The following GPRIN3 variants were observed in gnomAD, a reference collection of about 807,000 sequenced individuals.
GPRIN3 encodes the protein GPRIN family member 3.
A neutral mutation model predicts 13.7 loss-of-function variants in GPRIN3; 12 were observed. The observed-to-expected ratio is 0.87, with a 90% CI of 0.56 to 1.42. The LOEUF is 1.42. Among genes scored for constraint, GPRIN3 ranks in the 40% most tolerant of loss-of-function variants. The pLI is 0.00. For synonymous variants in GPRIN3, 377 were observed against 372.7 expected, an observed-to-expected ratio of 1.01 and a Z score of -0.13; for missense variants, 1,009 against 958.7, an observed-to-expected ratio of 1.05 and a Z score of -0.69.
chr4:89,290,420 T>C (rs924786342), intron 1 of GPRIN3, among the ~76,000 whole-genome samples: 2 of 152,148 alleles, frequency 1.3e-5, no homozygotes, highest in Non-Finnish European at 2.9e-5. Flanking sequence ...GGAGCAATAG[T>C]GTATCAGGGA....
In GPRIN3 at chr4:89,249,439, C is replaced by T; in HGVS notation, c.672G>A (p.Gln224=). The change falls in exon 2 of 2, where the codon CAG becomes CAA. Residue 224 remains glutamine, a synonymous_variant. Coordinates refer to ENST00000609438, the MANE Select transcript of GPRIN3 (RefSeq NM_198281.3). ...SPVGGPEGER[Q]GAICDSEMRS... is the part of the protein sequence containing the mutation. ...TCATTTCAGAGTCACAGATGGCTCCCTGCCTTTCCCCTTCAGGTCCACCTA... is the reference window on the plus strand; with the variant it reads ...TCATTTCAGAGTCACAGATGGCTCCTTGCCTTTCCCCTTCAGGTCCACCTA... 6.2e-7 allele frequency: 1 copy of T among 1,614,082 alleles called. No homozygotes were observed.
chr4:89,281,389 T>C (rs1724247174), intron 1 of GPRIN3, among the ~76,000 whole-genome samples: 1 of 152,184 alleles, frequency 6.6e-6, no homozygotes, highest in Non-Finnish European at 1.5e-5. Flanking sequence ...CCCAAAGTGC[T>C]GGGATTACAG....
At position 89,249,423 on chromosome 4, in the gene GPRIN3, A is replaced by G. The variant is rs1172394820; in HGVS notation, c.688T>C (p.Ser230Pro). 3.1e-6 allele frequency: 5 copies of G among 1,613,952 alleles called. No homozygotes were observed. The highest frequency in any genetic ancestry group is 4.2e-6 in the Non-Finnish European group (5 of 1,180,000). Reference sequence around the variant, plus strand: ...AGAGGTTTACAGGACCTCATTTCAGAGTCACAGATGGCTCCCTGCCTTTCC... The same window carrying G: ...AGAGGTTTACAGGACCTCATTTCAGGGTCACAGATGGCTCCCTGCCTTTCC... ...EGERQGAICD[S>P]EMRSCKPLTR... The change falls in exon 2 of 2, where the codon TCT becomes CCT. Residue 230 changes from serine to proline, a missense_variant. By Grantham distance (74) the Ser-to-Pro change is moderately conservative. Coordinates refer to ENST00000609438, the MANE Select transcript of GPRIN3 (RefSeq NM_198281.3).
chr4:89,246,863 T>G lies in GPRIN3; in HGVS notation c.*917A>C, dbSNP rs962545002. 2.6e-5 allele frequency: 4 copies of G among 152,234 alleles called. No homozygotes were observed. The highest frequency in any genetic ancestry group is 9.6e-5 in the African/African-American group (4 of 41,464). 9.4% of individuals were successfully genotyped at this position (152,234 alleles called of 1,614,324 possible). ...TTGGTAATCTGCTATTTATAGTTCC[T>G]GACCAGAACCTTAGCATTCTCAGTA... On this transcript the variant is annotated 3_prime_UTR_variant, in exon 2 of 2. Transcript: ENST00000609438.
rs777246020 is a variant in GPRIN3 at position 89,248,314 on chromosome 4, GGTCT to G, written c.1793_1796del (p.Gln598ProfsTer7). On this transcript the variant is annotated frameshift_variant, in exon 2 of 2. Coordinates refer to ENST00000609438, the MANE Select transcript of GPRIN3 (RefSeq NM_198281.3). LOFTEE classifies it high-confidence loss of function. Reference sequence around the variant, plus strand: ...GCAGGCTCAGGCTGGTGGCTGTCTTGGTCTGTCTGTTTTCTTCTAAGGTGCTCTC... The same window carrying G: ...GCAGGCTCAGGCTGGTGGCTGTCTTGGTCTGTTTTCTTCTAAGGTGCTCTC... The G allele has an allele frequency of 2.5e-6, 4 of 1,614,090 alleles. No individual in the cohort carries two copies. The highest frequency in any genetic ancestry group is 3.4e-6 in the Non-Finnish European group (4 of 1,180,012).
Position 89,237,335 on chromosome 4 carries a change from A to G in GPRIN3, c.*10445T>C. 1 of 152,242 alleles carries G rather than the reference A, an allele frequency of 6.6e-6. No homozygotes were observed. Among genetic ancestry groups the G allele is most frequent in the East Asian group, 1.9e-4 (1 of 5,200 alleles). The allele number at this position is 152,242 out of a possible 1,614,324, so 9.4% of individuals were successfully genotyped here. A position where few individuals can be genotyped will look rare whatever the true frequency, so the allele number is the denominator to read the frequency against. ...AGAAAATTTAATAATGGTGGCATTC[A>G]GAAGTTCATTAAGAATGTGTATGCC... is the stretch of plus-strand genomic sequence containing the variant. On this transcript the variant is annotated 3_prime_UTR_variant, in exon 2 of 2. Transcript: ENST00000609438.
At chr4:89,299,025 C>T (rs571292118) in intron 1 of GPRIN3, among the ~76,000 whole-genome samples, 8 of 152,194 alleles carry the variant, frequency 5.3e-5, no homozygotes, top group East Asian at 1.9e-4. Flanking sequence ...ACAGTTTCTT[C>T]GTAAAAGAGC....
Position 89,249,270 on chromosome 4 carries a change from G to A in GPRIN3, c.841C>T (p.Pro281Ser), listed in dbSNP as rs754688869. 7 of 1,614,046 alleles carry A rather than the reference G, an allele frequency of 4.3e-6. No individual in the cohort carries two copies. The highest frequency in any genetic ancestry group is 8.5e-7 in the Non-Finnish European group (1 of 1,180,018). ...TGTGCTGGCAGCGGCACCTTCTCTGGACCTGGGGGACATGCCGAAGGTTCG... is the reference window on the plus strand; with the variant it reads ...TGTGCTGGCAGCGGCACCTTCTCTGAACCTGGGGGACATGCCGAAGGTTCG... ...TSEPSACPPG[P>S]EKVPLPAQRQ... The change falls in exon 2 of 2, where the codon CCA (proline) becomes TCA (serine). Residue 281 changes from proline (P) to serine (S), a missense_variant. Coordinates refer to ENST00000609438, the MANE Select transcript of GPRIN3 (RefSeq NM_198281.3).
intron 1 of GPRIN3, among the ~76,000 whole-genome samples, chr4:89,306,381 A>G (rs1314133181): frequency 6.6e-6 from 1 of 152,196 alleles, no homozygotes; most frequent in African/African-American, 2.4e-5. Context: ...AGAGCAAACA[A>G]AAGCCCACGC....
chr4:89,266,882 T>C (rs1723796038), intron 1 of GPRIN3, among the ~76,000 whole-genome samples: 1 of 152,204 alleles, frequency 6.6e-6, no homozygotes, highest in Admixed American at 6.5e-5. Flanking sequence ...CTTAGGAATA[T>C]ATGTGTCATT....
intron 1 of GPRIN3, among the ~76,000 whole-genome samples, chr4:89,254,291 T>C (rs1723411016): frequency 6.6e-6 from 1 of 152,094 alleles, no homozygotes; most frequent in Admixed American, 6.6e-5. Context: ...GGTAAACTCA[T>C]GTAACAGGGG....
intron 1 of GPRIN3, among the ~76,000 whole-genome samples, chr4:89,255,037 C>T (rs911910744): frequency 6.6e-6 from 1 of 152,222 alleles, no homozygotes; most frequent in Non-Finnish European, 1.5e-5. Context: ...GTTAACATTA[C>T]TTACCTGGGG....
At chr4:89,284,551 A>G (rs1476229429) in intron 1 of GPRIN3, among the ~76,000 whole-genome samples, 1 of 152,230 alleles carries the variant, frequency 6.6e-6, no homozygotes, top group Non-Finnish European at 1.5e-5. Context: ...GTTAGCTAGT[A>G]GTAACAGCAA....
intron 1 of GPRIN3, among the ~76,000 whole-genome samples, chr4:89,254,962 C>A (rs1723427566): frequency 2.0e-5 from 3 of 152,176 alleles, no homozygotes; most frequent in Non-Finnish European, 4.4e-5. Context: ...CTAGGTGGCG[C>A]TGAGAAGAAC....
At chr4:89,273,087 C>T (rs1236484997) in intron 1 of GPRIN3, among the ~76,000 whole-genome samples, 1 of 152,178 alleles carries the variant, frequency 6.6e-6, no homozygotes, top group East Asian at 1.9e-4. Context: ...GGCAATCTCA[C>T]TAAGTTTATG....
At chr4:89,303,450 A>T (rs1481588769) in intron 1 of GPRIN3, among the ~76,000 whole-genome samples, 1 of 152,226 alleles carries the variant, frequency 6.6e-6, no homozygotes, top group Non-Finnish European at 1.5e-5. Flanking sequence ...ACTGCAAAAT[A>T]AATAAAAAGA....
rs1045789930 is a variant in GPRIN3, at chr4:89,243,695, C to G, written c.*4085G>C. 12 of 152,208 alleles carry G rather than the reference C, an allele frequency of 7.9e-5. No individual in the cohort carries two copies. The highest frequency in any genetic ancestry group is 2.1e-4 in the South Asian group (1 of 4,834). The allele number at this position is 152,208 out of a possible 1,614,324, so 9.4% of individuals were successfully genotyped here. A position where few individuals can be genotyped will look rare whatever the true frequency, so the allele number is the denominator to read the frequency against. ...TTAGAACAAAGCAGGAGAGAGTAAA[C>G]AGCATCATCTCCATGGCAGCATTAC... On this transcript the variant is annotated 3_prime_UTR_variant, in exon 2 of 2. Transcript: ENST00000609438.
rs148453990 is a variant in GPRIN3 at position 89,270,194 on chromosome 4, C to T, written c.-123-19961G>A. 1.1e-4 allele frequency among the ~76,000 whole-genome samples: 16 copies of T among 152,074 alleles called. 1 individual carries two copies. Among genetic ancestry groups the T allele is most frequent in the African/African-American group, 3.4e-4 (14 of 41,514 alleles). On this transcript the variant is annotated intron_variant, in intron 1 of 1. Coordinates refer to ENST00000609438, the MANE Select transcript of GPRIN3 (RefSeq NM_198281.3). ...AACAGGAGAAATAAAAATATAAAGG[C>T]TTCCCTTTGTCTAGTGGTGGTACAG... is the stretch of plus-strand genomic sequence containing the variant.
chr4:89,264,047 C>T (rs1038021080), intron 1 of GPRIN3, among the ~76,000 whole-genome samples: 3 of 152,174 alleles, frequency 2.0e-5, no homozygotes, highest in African/African-American at 7.2e-5. Flanking sequence ...GTTTGTTTTA[C>T]CAACCTCAGG....
Sources: allele counts gnomAD v4.1 joint callset (sites outside exome capture counted in the v4.1 genomes callset), GRCh38; gene constraint gnomAD v4.1.1; transcripts MANE v1.5; gene names NCBI Gene and HGNC (gene_info 2026-07-23, HGNC 2026-07-21).